The following FAM149B1 variants were observed in gnomAD, a reference collection of about 807,000 sequenced individuals.
The protein encoded by FAM149B1 is family with sequence similarity 149 member B1.
A neutral mutation model predicts 75.3 loss-of-function variants in FAM149B1; 56 were observed. The observed-to-expected ratio is 0.74, with a 90% CI of 0.60 to 0.93. The LOEUF (loss-of-function observed/expected upper bound fraction) is 0.93. Ranked by LOEUF, FAM149B1 falls within the 40% of genes least tolerant of loss-of-function variation. The probability of loss-of-function intolerance (pLI) is 0.00; values close to 1 mark genes in which losing one functional copy is unlikely to be tolerated. For missense variants in FAM149B1, 639 were observed against 708.4 expected (o/e 0.90, Z 1.11); for synonymous variants, 259 against 256.1 (o/e 1.01, Z -0.11).
intron 3 of FAM149B1, chr10:73,192,326 TA>T (rs1256425450): frequency 3.7e-5 from 15 of 406,882 alleles, no homozygotes; most frequent in South Asian, 3.4e-4. Flanking sequence ...TGGACCAGCC[TA>T]AAAAACAGAC....
chr10:73,187,507 A>G (rs1589145256), intron 3 of FAM149B1, among the ~76,000 whole-genome samples: 1 of 151,966 alleles, frequency 6.6e-6, no homozygotes, highest in African/African-American at 2.4e-5. Flanking sequence ...AGGTGGGCGG[A>G]TCACCTGAGG....
Position 73,168,275 on chromosome 10 carries a change from C to A in FAM149B1, c.-65C>A. On this transcript the variant is annotated 5_prime_UTR_variant, in exon 1 of 14. Transcript: ENST00000242505. ...CCGGCGGGAGGGCCAGGCCCGGAGG[C>A]CCCCACCCTGGCGTGCCTGCCCCGG... 6.5e-7 allele frequency: 1 copy of A among 1,527,838 alleles called. No homozygotes were observed. Among genetic ancestry groups the A allele is most frequent in the Non-Finnish European group, 8.8e-7 (1 of 1,131,370 alleles). The allele number at this position is 1,527,838 out of a possible 1,614,324, so 94.6% of individuals were successfully genotyped here. A position where few individuals can be genotyped will look rare whatever the true frequency, so the allele number is the denominator to read the frequency against.
chr10:73,180,771 C>A (rs2042376840), intron 3 of FAM149B1, among the ~76,000 whole-genome samples: 1 of 152,156 alleles, frequency 6.6e-6, no homozygotes, highest in African/African-American at 2.4e-5. Flanking sequence ...CAATTACACT[C>A]TTTTAGTTAT....
At position 73,223,729 on chromosome 10, in the gene FAM149B1, GTTAGGT is replaced by G. The variant is rs539972349; in HGVS notation, c.899-4328_899-4323del. On this transcript the variant is annotated intron_variant, in intron 7 of 13. Transcript: ENST00000242505. ...TTTTAAGCCACTATGTTGTATGTGT[GTTAGGT>G]TTTTTTTTTTTTAAGCTTGTATTAG... Among the ~76,000 whole-genome samples, 23 of 126,068 alleles carry G rather than the reference GTTAGGT, an allele frequency of 1.8e-4. No homozygotes were observed. The South Asian group carries it at 5.9e-3, about 32-fold the overall frequency. The allele number at this position is 126,068 out of a possible 152,430, so 82.7% of individuals were successfully genotyped here.
intron 9 of FAM149B1, chr10:73,231,385 G>A (rs2043694902): frequency 6.6e-6 from 1 of 152,154 alleles, no homozygotes; most frequent in Non-Finnish European, 1.5e-5. Flanking sequence ...TATATGTTTA[G>A]TTTCATAGGA....
At chr10:73,237,448 ACT>A (rs1466939360) in intron 12 of FAM149B1, among the ~76,000 whole-genome samples, 1 of 150,852 alleles carries the variant, frequency 6.6e-6, no homozygotes, top group Non-Finnish European at 1.5e-5. Context: ...ACGGAGTCTT[ACT>A]CTGTCGCCCA....
chr10:73,217,371 G>C (rs1293304351), intron 7 of FAM149B1, among the ~76,000 whole-genome samples: 1 of 152,142 alleles, frequency 6.6e-6, no homozygotes, highest in Non-Finnish European at 1.5e-5. Flanking sequence ...TGTTTATGTA[G>C]GTTTTCTGTG....
intron 3 of FAM149B1, 139 bp from the exon 4 acceptor site, chr10:73,192,417 T>C (rs2042706173): frequency 3.7e-6 from 3 of 804,336 alleles, no homozygotes; most frequent in Non-Finnish European, 5.7e-6. Context: ...AATTTAACTT[T>C]TCTTTCGTGG....
chr10:73,177,652 G>T (rs1453149477), intron 2 of FAM149B1, among the ~76,000 whole-genome samples, 194 bp from the exon 3 acceptor site: 1 of 144,450 alleles, frequency 6.9e-6, no homozygotes, highest in Non-Finnish European at 1.5e-5. Flanking sequence ...TGGAATGACT[G>T]CCATCAATTC....
chr10:73,202,589 C>G (rs1049533755), intron 5 of FAM149B1, among the ~76,000 whole-genome samples: 2 of 152,000 alleles, frequency 1.3e-5, no homozygotes, highest in Non-Finnish European at 1.5e-5. Context: ...TGAGCCACCA[C>G]GCCTGGCTAA....
intron 3 of FAM149B1, among the ~76,000 whole-genome samples, chr10:73,189,126 T>C (rs1246795668): frequency 6.6e-6 from 1 of 152,160 alleles, no homozygotes; most frequent in Admixed American, 6.5e-5. Context: ...AATGGCCACG[T>C]AGCATGTAGA....
intron 5 of FAM149B1, among the ~76,000 whole-genome samples, chr10:73,205,046 CT>C (rs2043025357): frequency 1.5e-5 from 2 of 136,464 alleles, no homozygotes; most frequent in Non-Finnish European, 3.1e-5. Flanking sequence ...ATCTCCTGAC[CT>C]TGTGATCCGC....
rs1051083288 is a variant in FAM149B1 at position 73,208,604 on chromosome 10, T to C, written c.543-15T>C. The stretch of plus-strand genomic sequence containing the variant: ...GTTTACATAATTAATATTTACTTCT[T>C]TTTTCCACTCCAAGATTTGGTATAA... On this transcript the variant is annotated splice_polypyrimidine_tract_variant and intron_variant, in intron 5 of 13. Coordinates refer to ENST00000242505, the MANE Select transcript of FAM149B1 (RefSeq NM_173348.2). 1 of 1,477,846 alleles carries C rather than the reference T, an allele frequency of 6.8e-7. No individual in the cohort carries two copies. Among genetic ancestry groups the C allele is most frequent in the African/African-American group, 1.4e-5 (1 of 70,598 alleles). The allele number at this position is 1,477,846 out of a possible 1,614,324, so 91.5% of individuals were successfully genotyped here. A position where few individuals can be genotyped will look rare whatever the true frequency, so the allele number is the denominator to read the frequency against.
At chr10:73,220,820 T>G (rs1383367403) in intron 7 of FAM149B1, among the ~76,000 whole-genome samples, 1 of 152,182 alleles carries the variant, frequency 6.6e-6, no homozygotes, top group Non-Finnish European at 1.5e-5. Flanking sequence ...CACCTTGATC[T>G]TGGACTTCTG....
chr10:73,228,816 G>A (rs191305143), intron 8 of FAM149B1, among the ~76,000 whole-genome samples: 28 of 152,028 alleles, frequency 1.8e-4, no homozygotes, highest in South Asian at 8.3e-4. Context: ...GGCCCGTCTC[G>A]AACTCCTGGC....
intron 5 of FAM149B1, chr10:73,200,335 G>A (rs2042903701): frequency 1.5e-5 from 7 of 458,836 alleles, no homozygotes; most frequent in Middle Eastern, 7.2e-4. Context: ...AAACTACATC[G>A]CAAAAACAAA....
chr10:73,191,769 CTAAAAT>C (rs1393181056), intron 3 of FAM149B1, among the ~76,000 whole-genome samples: 2 of 152,152 alleles, frequency 1.3e-5, no homozygotes, highest in African/African-American at 4.8e-5. Flanking sequence ...AGCAACTGTA[CTAAAAT>C]TAGCAATCTA....
intron 1 of FAM149B1, 117 bp from the exon 2 acceptor site, chr10:73,174,570 C>A: frequency 1.6e-6 from 1 of 639,704 alleles, no homozygotes; most frequent in Non-Finnish European, 2.7e-6. Flanking sequence ...TGGTGGCTAC[C>A]ATATCAGACA....
intron 13 of FAM149B1, among the ~76,000 whole-genome samples, chr10:73,240,693 G>T (rs2043928988): frequency 6.7e-6 from 1 of 149,228 alleles, no homozygotes; most frequent in South Asian, 2.1e-4. Context: ...AGCCTGGGGG[G>T]ACAGAGTGAG....
Sources: gnomAD v4.1 joint callset for allele counts (sites outside exome capture counted in the v4.1 genomes callset) on GRCh38, gnomAD v4.1.1 for gene constraint, MANE v1.5 for transcripts, NCBI Gene and HGNC (gene_info 2026-07-23, HGNC 2026-07-21) for gene names.